Variants in DAB1 observed in about 807,000 individuals in gnomAD.
DAB1 encodes DAB adaptor protein 1.
In DAB1, 15 loss-of-function variants were observed where a neutral mutation model predicts 64.6. The ratio of observed to expected loss-of-function variants is 0.23; its 90% CI spans 0.16 to 0.36. The LOEUF is 0.36. DAB1 is among the 10% of genes least tolerant of loss of function. The pLI is 1.00. For missense variants in DAB1, 596 were observed against 706.7 expected (o/e 0.84, Z 1.78); for synonymous variants, 235 against 251.9 (o/e 0.93, Z 0.64).
At chr1:57,331,301 A>C (rs754627860) in intron 1 of DAB1, among the ~76,000 whole-genome samples, 1 of 152,306 alleles carries the variant, frequency 6.6e-6, no homozygotes, top group African/African-American at 2.4e-5. Flanking sequence ...GAGGGCTCTC[A>C]TGTTTTACCC....
At chr1:57,471,167 G>C (rs1030327192) in intron 7 of DAB1, among the ~76,000 whole-genome samples, 1 of 152,124 alleles carries the variant, frequency 6.6e-6, no homozygotes, top group African/African-American at 2.4e-5. Context: ...AGATGATGAC[G>C]AACCAAATTC....
intron 5 of DAB1, among the ~76,000 whole-genome samples, chr1:58,118,503 TACACACACACAC>T (rs34017384): frequency 3.8e-5 from 2 of 53,124 alleles, no homozygotes; most frequent in Non-Finnish European, 5.8e-5. Context: ...TATATATATA[TACACACACACAC>T]ACACACATAT....
chr1:57,983,594 C>T lies in DAB1; in HGVS notation n.388-99432G>A, dbSNP rs189550043. On this transcript the variant is annotated intron_variant and non_coding_transcript_variant, in intron 5 of 20. Transcript: ENST00000485760. ...CAACTGAAAAGCAAGGCAGTAAGGA[C>T]ACATGCATGTGTCATAACAAATTAA... is the stretch of plus-strand genomic sequence containing the variant. Among the ~76,000 whole-genome samples, 443 of 152,192 alleles carry T rather than the reference C, an allele frequency of 2.9e-3. 1 individual carries two copies. Among genetic ancestry groups the T allele is most frequent in the African/African-American group, 0.01 (431 of 41,524 alleles).
chr1:58,429,501 T>C (rs943826856), intron 3 of DAB1, among the ~76,000 whole-genome samples: 1 of 152,204 alleles, frequency 6.6e-6, no homozygotes, highest in Non-Finnish European at 1.5e-5. Flanking sequence ...GAGGAAGGCC[T>C]TTCCCTGTGT....
At chr1:57,417,200 G>A (rs1293281493) in intron 1 of DAB1, among the ~76,000 whole-genome samples, 1 of 152,138 alleles carries the variant, frequency 6.6e-6, no homozygotes, top group Admixed American at 6.5e-5. Context: ...TGAGTGGTAG[G>A]TACAAAACTT....
chr1:57,498,735 G>T (rs1241188387), intron 7 of DAB1, among the ~76,000 whole-genome samples: 1 of 152,170 alleles, frequency 6.6e-6, no homozygotes, highest in African/African-American at 2.4e-5. Context: ...AGTTAGGAGA[G>T]ACAAAGGGAA....
intron 5 of DAB1, among the ~76,000 whole-genome samples, chr1:58,004,732 C>T (rs112365774): frequency 6.6e-6 from 1 of 152,118 alleles, no homozygotes; most frequent in African/African-American, 2.4e-5. Context: ...AACACACGCA[C>T]GTGCCCTGTT....
chr1:57,631,647 A>C (rs1226002730), intron 7 of DAB1, among the ~76,000 whole-genome samples: 2 of 152,206 alleles, frequency 1.3e-5, no homozygotes, highest in African/African-American at 4.8e-5. Flanking sequence ...TGTTTCTTTG[A>C]GCCTTTTACT....
intron 5 of DAB1, among the ~76,000 whole-genome samples, chr1:58,013,810 G>A (rs969974988): frequency 1.9e-4 from 29 of 152,112 alleles, no homozygotes; most frequent in Non-Finnish European, 1.2e-4. Flanking sequence ...ATCAGTCATG[G>A]TGGGAGTGCT....
At chr1:57,693,695 C>T (rs534733899) in intron 6 of DAB1, among the ~76,000 whole-genome samples, 3 of 152,310 alleles carry the variant, frequency 2.0e-5, no homozygotes, top group Admixed American at 6.5e-5. Flanking sequence ...AGAGCTGTAA[C>T]ACATGCCACA....
At chr1:57,226,110 C>T (rs1287256854) in intron 2 of DAB1, among the ~76,000 whole-genome samples, 1 of 152,166 alleles carries the variant, frequency 6.6e-6, no homozygotes, top group Non-Finnish European at 1.5e-5. Flanking sequence ...TCCCTCAAAA[C>T]TCAGATCTCA....
chr1:57,080,768 A>G (rs1347244519), intron 4 of DAB1, among the ~76,000 whole-genome samples: 1 of 151,976 alleles, frequency 6.6e-6, no homozygotes, highest in East Asian at 1.9e-4. Flanking sequence ...ACACACACAC[A>G]CACACACCTT....
intron 3 of DAB1, among the ~76,000 whole-genome samples, chr1:58,490,800 T>A (rs967548166): frequency 1.1e-3 from 124 of 113,150 alleles, no homozygotes; most frequent in African/African-American, 4.4e-3. Context: ...ACATTCTTTT[T>A]TTTTTTTTTT....
At chr1:57,830,747 G>A (rs994145926) in intron 1 of DAB1, among the ~76,000 whole-genome samples, 5 of 152,042 alleles carry the variant, frequency 3.3e-5, no homozygotes, top group African/African-American at 1.2e-4. Flanking sequence ...ACTATACCTA[G>A]ACTGTTTATG....
intron 6 of DAB1, among the ~76,000 whole-genome samples, chr1:57,695,117 A>G (rs1646808187): frequency 6.6e-6 from 1 of 151,570 alleles, no homozygotes. Context: ...CCAGCTACTC[A>G]GGATGCTGAG....
intron 5 of DAB1, among the ~76,000 whole-genome samples, chr1:58,016,378 T>A (rs2100442511): frequency 6.6e-6 from 1 of 152,292 alleles, no homozygotes; most frequent in South Asian, 2.1e-4. Flanking sequence ...TAAGTAATCC[T>A]GAGTCAGTGT....
chr1:57,514,436 T>C (rs529897537), intron 7 of DAB1, among the ~76,000 whole-genome samples: 7 of 152,254 alleles, frequency 4.6e-5, no homozygotes, highest in Non-Finnish European at 1.0e-4. Flanking sequence ...TTAGTCATGT[T>C]ACTTTTGCTT....
chr1:58,342,571 G>A (rs1327165516), intron 4 of DAB1, among the ~76,000 whole-genome samples: 2 of 151,924 alleles, frequency 1.3e-5, no homozygotes, highest in East Asian at 3.9e-4. Flanking sequence ...ACTGATCACT[G>A]GACATTTCCA....
At chr1:58,117,481 C>G (rs1307760881) in intron 5 of DAB1, among the ~76,000 whole-genome samples, 1 of 152,084 alleles carries the variant, frequency 6.6e-6, no homozygotes, top group Non-Finnish European at 1.5e-5. Context: ...ACTGCCACCT[C>G]TTTCCACACC....
Sources: gnomAD v4.1 joint callset for allele counts (sites outside exome capture counted in the v4.1 genomes callset) on GRCh38, gnomAD v4.1.1 for gene constraint, MANE v1.5 for transcripts, NCBI Gene and HGNC (gene_info 2026-07-23, HGNC 2026-07-21) for gene names.